ITGB3BP: variants seen among roughly 807,000 people sequenced by gnomAD.
The protein encoded by ITGB3BP is integrin subunit beta 3 binding protein.
In ITGB3BP, 27 loss-of-function variants were observed where a neutral mutation model predicts 29.1. The ratio of observed to expected loss-of-function variants is 0.93; its 90% confidence interval spans 0.68 to 1.28. The LOEUF (loss-of-function observed/expected upper bound fraction) is 1.28. Ranked by LOEUF, ITGB3BP falls within the 50% of genes most tolerant of loss-of-function variation. The pLI is 0.00. For missense variants in ITGB3BP, 192 were observed against 200.2 expected (o/e 0.96, Z 0.25); for synonymous variants, 61 against 61.4 (o/e 0.99, Z 0.03).
intron 3 of ITGB3BP, among the ~76,000 whole-genome samples, chr1:63,485,493 G>A (rs911633959): frequency 1.5e-4 from 22 of 145,284 alleles, no homozygotes; most frequent in African/African-American, 5.2e-4. Context: ...TTTTTCACCC[G>A]CCCTCCAATT....
chr1:63,491,169 C>T (rs570909548), intron 2 of ITGB3BP, among the ~76,000 whole-genome samples: 1 of 152,240 alleles, frequency 6.6e-6, no homozygotes, highest in East Asian at 1.9e-4. Flanking sequence ...TTCCTTCAAA[C>T]ATCCATTATC....
chr1:63,462,151 C>T (rs1011110731), intron 4 of ITGB3BP, among the ~76,000 whole-genome samples: 5 of 152,162 alleles, frequency 3.3e-5, no homozygotes, highest in African/African-American at 1.2e-4. Context: ...TCTTTAATTT[C>T]TTTCAAAAAT....
chr1:63,489,685 A>G (rs926852055), intron 3 of ITGB3BP, among the ~76,000 whole-genome samples: 3 of 152,092 alleles, frequency 2.0e-5, no homozygotes, highest in African/African-American at 7.2e-5. Context: ...GTAAAACTCA[A>G]TGGAAACCAT....
chr1:63,488,952 C>A (rs1175837960), intron 3 of ITGB3BP, among the ~76,000 whole-genome samples: 1 of 152,064 alleles, frequency 6.6e-6, no homozygotes, highest in Non-Finnish European at 1.5e-5. Context: ...TAAGTCCATA[C>A]TTAATTTCAA....
At chr1:63,513,200 C>T (rs1646239307) in intron 1 of ITGB3BP, among the ~76,000 whole-genome samples, 1 of 152,048 alleles carries the variant, frequency 6.6e-6, no homozygotes, top group African/African-American at 2.4e-5. Context: ...ATGATCATTC[C>T]TTTTATATTT....
At chr1:63,500,048 C>A (rs984940515) in intron 2 of ITGB3BP, among the ~76,000 whole-genome samples, 2 of 152,144 alleles carry the variant, frequency 1.3e-5, no homozygotes, top group African/African-American at 4.8e-5. Flanking sequence ...GTAAAACTAT[C>A]CCTACTTGCA....
intron 4 of ITGB3BP, among the ~76,000 whole-genome samples, chr1:63,472,914 G>C (rs1645233828): frequency 6.6e-6 from 1 of 151,930 alleles, no homozygotes; most frequent in South Asian, 2.1e-4. Flanking sequence ...GGGAAGTGAG[G>C]AGCGTCTCTG....
intron 4 of ITGB3BP, among the ~76,000 whole-genome samples, chr1:63,460,466 A>G (rs954063981): frequency 6.6e-6 from 1 of 152,212 alleles, no homozygotes; most frequent in African/African-American, 2.4e-5. Flanking sequence ...ATGTTGTAGC[A>G]TGTATCAGAA....
At chr1:63,460,274 C>T (rs1228032331) in intron 4 of ITGB3BP, among the ~76,000 whole-genome samples, 1 of 152,170 alleles carries the variant, frequency 6.6e-6, no homozygotes, top group East Asian at 1.9e-4. Context: ...CAAACAGAAA[C>T]TGTATAACCA....
At chr1:63,495,539 C>T (rs1413124054) in intron 2 of ITGB3BP, among the ~76,000 whole-genome samples, 3 of 152,104 alleles carry the variant, frequency 2.0e-5, no homozygotes, top group Non-Finnish European at 4.4e-5. Context: ...AGTTTCCTCA[C>T]TTAACTAATA....
At chr1:63,475,565 C>CA (rs1264450637) in intron 4 of ITGB3BP, among the ~76,000 whole-genome samples, 2 of 151,836 alleles carry the variant, frequency 1.3e-5, no homozygotes, top group African/African-American at 4.8e-5. Flanking sequence ...TTAAGAAAAA[C>CA]AAAAAATCCA....
intron 1 of ITGB3BP, chr1:63,522,866 G>A: frequency 3.1e-6 from 2 of 641,032 alleles, no homozygotes; most frequent in South Asian, 3.0e-5. Flanking sequence ...TTTCAAGTTA[G>A]ACATCACCTA....
chr1:63,455,797 T>C lies in ITGB3BP; in HGVS notation c.255-829A>G, dbSNP rs895675097. Among the ~76,000 whole-genome samples, 41 of 152,270 alleles carry C rather than the reference T, an allele frequency of 2.7e-4. No homozygotes were observed. In the Middle Eastern group the frequency reaches 0.01, roughly 38 times the overall value. Reference sequence around the variant, plus strand: ...GATAATCTATATCAACACAGTCTGATAGAAAAATAATGTAAACCATATATG... The same window carrying C: ...GATAATCTATATCAACACAGTCTGACAGAAAAATAATGTAAACCATATATG... On this transcript the variant is annotated intron_variant, in intron 4 of 8. Coordinates refer to ENST00000271002, the MANE Select transcript of ITGB3BP (RefSeq NM_014288.5).
intron 4 of ITGB3BP, among the ~76,000 whole-genome samples, chr1:63,465,397 T>C (rs1211495954): frequency 6.6e-6 from 1 of 152,090 alleles, no homozygotes; most frequent in Non-Finnish European, 1.5e-5. Context: ...ACAAAAGGTA[T>C]TTATAGATAT....
chr1:63,508,537 TA>T lies in ITGB3BP; in HGVS notation c.38del (p.Leu13Ter). The T allele has an allele frequency of 7.0e-7, 1 of 1,434,206 alleles. No homozygotes were observed. Among genetic ancestry groups the T allele is most frequent in the Non-Finnish European group, 9.5e-7 (1 of 1,056,190 alleles). The allele number at this position is 1,434,206 out of a possible 1,614,324, so 88.8% of individuals were successfully genotyped here. On this transcript the variant is annotated frameshift_variant, in exon 2 of 9. Transcript: ENST00000271002. LOFTEE classifies it high-confidence loss of function. ...VKRSLKLDGL[L>X]EENSFDPSKI... is the part of the protein sequence containing the mutation. Reference sequence around the variant, plus strand: ...TTAAGCAAATACTTACATTTTCTTCTAACAGACCATCCAACTTCAGTGATCT... The same window carrying T: ...TTAAGCAAATACTTACATTTTCTTCTACAGACCATCCAACTTCAGTGATCT...
At chr1:63,502,539 G>A (rs1396023961) in intron 2 of ITGB3BP, among the ~76,000 whole-genome samples, 2 of 145,926 alleles carry the variant, frequency 1.4e-5, no homozygotes, top group Admixed American at 6.9e-5. Flanking sequence ...AATACTTTAA[G>A]TTTTAGGGTA....
intron 2 of ITGB3BP, among the ~76,000 whole-genome samples, chr1:63,496,162 G>A (rs6666151): frequency 0.34 from 51,073 of 150,574 alleles, 8,881 homozygotes; most frequent in East Asian, 0.48. Flanking sequence ...GTGCGATCAC[G>A]GCTCACTGCA....
intron 4 of ITGB3BP, among the ~76,000 whole-genome samples, chr1:63,467,559 T>A (rs1645120593): frequency 1.3e-5 from 2 of 151,988 alleles, no homozygotes; most frequent in South Asian, 4.2e-4. Flanking sequence ...AATGTAGAGA[T>A]GGAGTCTCGC....
chr1:63,522,918 G>GAC (rs1646490486), intron 1 of ITGB3BP: 1 of 746,430 alleles, frequency 1.3e-6, no homozygotes, highest in Non-Finnish European at 2.5e-6. Flanking sequence ...AAGCATCGTA[G>GAC]AAACAGAAAG....
Sources: allele counts gnomAD v4.1 joint callset (sites outside exome capture counted in the v4.1 genomes callset), GRCh38; gene constraint gnomAD v4.1.1; transcripts MANE v1.5; gene names NCBI Gene and HGNC (gene_info 2026-07-23, HGNC 2026-07-21).